Variants in CLNS1A observed in about 807,000 individuals in gnomAD.
CLNS1A encodes the protein chloride nucleotide-sensitive channel 1A.
CLNS1A carries 16 observed loss-of-function variants against 29.4 expected under a neutral mutation model. The ratio of observed to expected loss-of-function variants is 0.54; its 90% confidence interval spans 0.37 to 0.83. The LOEUF (loss-of-function observed/expected upper bound fraction) is 0.83, where lower values mean the gene tolerates loss of function less well. Ranked by LOEUF, CLNS1A falls within the 40% of genes least tolerant of loss-of-function variation. CLNS1A has a pLI of 0.00. For synonymous variants in CLNS1A, 96 were observed against 104.8 expected, an observed-to-expected ratio of 0.92 and a Z score of 0.51; for missense variants, 235 against 287.4, an observed-to-expected ratio of 0.82 and a Z score of 1.32.
At position 77,634,585 on chromosome 11, in the gene CLNS1A, G is replaced by C. The variant is rs558766485; in HGVS notation, c.125+3005C>G. ...CTAAAAATACAAAAATTAGCTGGGC[G>C]TGGTGGAGCACGTCTGTAGTCCCAG... On this transcript the variant is annotated intron_variant, in intron 1 of 6. Coordinates refer to ENST00000525428, the MANE Select transcript of CLNS1A (RefSeq NM_001293.3). Among the ~76,000 whole-genome samples, 26 of 151,984 alleles carry C rather than the reference G, an allele frequency of 1.7e-4. No homozygotes were observed. The South Asian group carries it at 5.4e-3, about 32-fold the overall frequency.
intron 1 of CLNS1A, among the ~76,000 whole-genome samples, chr11:77,631,395 G>A (rs1416274346): frequency 6.7e-6 from 1 of 148,552 alleles, no homozygotes; most frequent in East Asian, 2.0e-4. Context: ...ATCTCGGCTC[G>A]CTGCAAGCTC....
chr11:77,623,888 G>A (rs936609524), intron 4 of CLNS1A, among the ~76,000 whole-genome samples: 1 of 152,314 alleles, frequency 6.6e-6, no homozygotes, highest in South Asian at 2.1e-4. Flanking sequence ...GGAGGCAATC[G>A]GAAAGGGCTC....
intron 5 of CLNS1A, among the ~76,000 whole-genome samples, chr11:77,620,671 T>G (rs1565124301): frequency 6.6e-6 from 1 of 151,438 alleles, no homozygotes; most frequent in Non-Finnish European, 1.5e-5. Context: ...TACCCGGGCA[T>G]GGTGGCAGGC....
Position 77,619,651 on chromosome 11 carries a change from C to T in CLNS1A, c.691G>A (p.Glu231Lys). Residue 231 changes from glutamate (E) to lysine (K), a missense_variant, in exon 6 of 7, where the codon GAG (glutamate) becomes AAG (lysine). Transcript: ENST00000525428. The stretch of plus-strand genomic sequence containing the variant: ...TTTCAGTGATCAACATCTGCATCCT[C>T]AAACTGTCCAGCAACTGTTGGTGTG... ...DTTPTVAGQFEDADVDH is the reference protein window; with the variant it reads ...DTTPTVAGQFKDADVDH 1 of 1,613,970 alleles carries T rather than the reference C, an allele frequency of 6.2e-7. No individual in the cohort carries two copies. Among genetic ancestry groups the T allele is most frequent in the Non-Finnish European group, 8.5e-7 (1 of 1,179,888 alleles).
At chr11:77,629,420 GTC>G (rs2135772706) in intron 2 of CLNS1A, among the ~76,000 whole-genome samples, 1 of 149,122 alleles carries the variant, frequency 6.7e-6, no homozygotes, top group Admixed American at 6.7e-5. Flanking sequence ...TTTAGACGGA[GTC>G]TCACTTTGTC....
At chr11:77,620,453 T>G (rs1035857031) in intron 5 of CLNS1A, among the ~76,000 whole-genome samples, 2 of 152,154 alleles carry the variant, frequency 1.3e-5, no homozygotes, top group Non-Finnish European at 2.9e-5. Flanking sequence ...TGCCCAGTCT[T>G]GAGTATGTCT....
At chr11:77,636,137 C>A (rs1434447834) in intron 1 of CLNS1A, among the ~76,000 whole-genome samples, 3 of 151,996 alleles carry the variant, frequency 2.0e-5, no homozygotes, top group Non-Finnish European at 4.4e-5. Context: ...GGGGCACAAT[C>A]ACGGCTCACC....
At chr11:77,622,872 A>G (rs1958976425) in intron 4 of CLNS1A, among the ~76,000 whole-genome samples, 199 bp from the exon 5 acceptor site, 1 of 151,394 alleles carries the variant, frequency 6.6e-6, no homozygotes, top group Non-Finnish European at 1.5e-5. Context: ...CGCTTGAACC[A>G]CAGAGGTGGA....
chr11:77,616,709 G>A lies in CLNS1A; in HGVS notation c.*23-14C>T, dbSNP rs913352407. On this transcript the variant is annotated splice_polypyrimidine_tract_variant and intron_variant, in intron 6 of 6. Transcript: ENST00000525428. ...TAGGAGCAGAATCTGAAAAACAAAA[G>A]GTTTACAGTGTTTACAGTAGTGATA... 6.6e-6 allele frequency: 1 copy of A among 152,308 alleles called. No homozygotes were observed. The highest frequency in any genetic ancestry group is 1.5e-5 in the Non-Finnish European group (1 of 68,028). 9.4% of individuals were successfully genotyped at this position (152,308 alleles called of 1,614,324 possible). A position where few individuals can be genotyped will look rare whatever the true frequency, so the allele number is the denominator to read the frequency against.
chr11:77,625,618 G>A, intron 3 of CLNS1A, 99 bp downstream of exon 3: 1 of 1,007,202 alleles, frequency 9.9e-7, no homozygotes, highest in East Asian at 2.7e-5. Flanking sequence ...GGTAATGGTG[G>A]TAAAGGTGAG....
intron 2 of CLNS1A, among the ~76,000 whole-genome samples, chr11:77,627,447 G>GAA (rs1028666072): frequency 1.6e-5 from 2 of 122,042 alleles, no homozygotes; most frequent in African/African-American, 3.0e-5. Flanking sequence ...CAAAAAAAAA[G>GAA]AAAAAAAAAA....
At chr11:77,622,375 T>C in intron 5 of CLNS1A, 125 bp downstream of exon 5, 3 of 663,636 alleles carry the variant, frequency 4.5e-6, no homozygotes, top group Non-Finnish European at 7.4e-6. Context: ...TGTAATTCTG[T>C]ATCTGCTTCC....
chr11:77,621,094 C>A (rs1022745274), intron 5 of CLNS1A, among the ~76,000 whole-genome samples: 13 of 143,642 alleles, frequency 9.1e-5, no homozygotes, highest in East Asian at 2.2e-4. Context: ...GTCAGGAGTT[C>A]GAGACCAGCC....
At position 77,631,142 on chromosome 11, in the gene CLNS1A, G is replaced by T. The variant is rs989158086; in HGVS notation, c.126-1243C>A. 4.6e-5 allele frequency among the ~76,000 whole-genome samples: 7 copies of T among 152,130 alleles called. No homozygotes were observed. In the East Asian group the frequency reaches 1.3e-3, roughly 29 times the overall value. On this transcript the variant is annotated intron_variant, in intron 1 of 6. Coordinates refer to ENST00000525428, the MANE Select transcript of CLNS1A (RefSeq NM_001293.3). ...GAACAATGACAGTGTGACAGTCTGAGATCACTCATGTTCAGTGGAAGGGGA... is the reference window on the plus strand; with the variant it reads ...GAACAATGACAGTGTGACAGTCTGATATCACTCATGTTCAGTGGAAGGGGA...
chr11:77,617,964 A>G (rs1958921641), intron 6 of CLNS1A, among the ~76,000 whole-genome samples: 1 of 152,110 alleles, frequency 6.6e-6, no homozygotes, highest in South Asian at 2.1e-4. Context: ...TATGAATAAA[A>G]TAATTCTCTG....
At chr11:77,622,992 T>C (rs904903082) in intron 4 of CLNS1A, among the ~76,000 whole-genome samples, 2 of 149,630 alleles carry the variant, frequency 1.3e-5, no homozygotes, top group African/African-American at 2.5e-5. Flanking sequence ...TAATATACTG[T>C]CCAAATAGGC....
At chr11:77,617,735 T>C (rs1285359835) in intron 6 of CLNS1A, among the ~76,000 whole-genome samples, 1 of 151,576 alleles carries the variant, frequency 6.6e-6, no homozygotes, top group East Asian at 1.9e-4. Flanking sequence ...CTGGCCAACA[T>C]GGTGAAACCC....
intron 1 of CLNS1A, among the ~76,000 whole-genome samples, chr11:77,632,622 T>C (rs565984572): frequency 5.4e-3 from 511 of 94,760 alleles, no homozygotes; most frequent in African/African-American, 0.024. Context: ...CGTTAAATTC[T>C]TTTTTTTTTA....
At position 77,614,660 on chromosome 11, in the gene CLNS1A, A is replaced by C. The variant is rs1468704732; in HGVS notation, c.*2058T>G. On this transcript the variant is annotated 3_prime_UTR_variant, in exon 7 of 7. Coordinates refer to ENST00000525428, the MANE Select transcript of CLNS1A (RefSeq NM_001293.3). ...CCACGTCCGGCTGGGACCATATCTT[A>C]ATGAATACATTTTTTAAATGAAGAA... is the stretch of plus-strand genomic sequence containing the variant. The C allele has an allele frequency of 6.6e-6, 1 of 152,216 alleles. No individual in the cohort carries two copies. Among genetic ancestry groups the C allele is most frequent in the Non-Finnish European group, 1.5e-5 (1 of 68,050 alleles). The allele number at this position is 152,216 out of a possible 1,614,324, so 9.4% of individuals were successfully genotyped here.
Sources: gnomAD v4.1 joint callset for allele counts (sites outside exome capture counted in the v4.1 genomes callset) on GRCh38, gnomAD v4.1.1 for gene constraint, MANE v1.5 for transcripts, NCBI Gene and HGNC (gene_info 2026-07-23, HGNC 2026-07-21) for gene names.